SLC14A2: variants seen among roughly 807,000 people sequenced by gnomAD.
SLC14A2 encodes the protein solute carrier family 14 member 2.
SLC14A2 carries 91 observed loss-of-function variants against 104.6 expected under a neutral mutation model. The observed-to-expected ratio is 0.87, with a 90% CI of 0.73 to 1.04. SLC14A2 has a LOEUF of 1.04. Among genes scored for constraint, SLC14A2 ranks in the 50% least tolerant of loss-of-function variants. The pLI, the probability that SLC14A2 is intolerant of heterozygous loss-of-function variation, is 0.00. For missense variants in SLC14A2, 1,189 were observed against 1,156.0 expected, an observed-to-expected ratio of 1.03 and a Z score of -0.41; for synonymous variants, 476 against 466.4, an observed-to-expected ratio of 1.02 and a Z score of -0.27.
chr18:45,445,240 T>C (rs905055440), intron 1 of SLC14A2, among the ~76,000 whole-genome samples: 16 of 151,318 alleles, frequency 1.1e-4, no homozygotes, highest in Admixed American at 3.3e-4. Flanking sequence ...GCCTCCCAAG[T>C]AGCTGGGACT....
chr18:45,489,996 G>A (rs71356495), intron 2 of SLC14A2: 22,263 of 152,130 alleles, frequency 0.15, 1,740 homozygotes, highest in Middle Eastern at 0.24. Flanking sequence ...AAGAATAGAC[G>A]GGCATTTGGT....
intron 1 of SLC14A2, among the ~76,000 whole-genome samples, chr18:45,349,393 A>C (rs1421802886): frequency 6.6e-6 from 1 of 152,244 alleles, no homozygotes; most frequent in East Asian, 1.9e-4. Context: ...TCAGTGATAG[A>C]AATAGATACT....
In SLC14A2 at chr18:45,552,436, C is replaced by A. The variant is rs114919007; in HGVS notation, c.-35+69114C>A. 5.9e-3 allele frequency among the ~76,000 whole-genome samples: 891 copies of A among 152,184 alleles called. 9 individuals are homozygous for A. The highest frequency in any genetic ancestry group is 0.019 in the African/African-American group (803 of 41,510). ...CTTCTCCTTTCTTGCTCTCCCACCC[C>A]CCAACCCCCGTGTCCTCAAGCTGGG... On this transcript the variant is annotated intron_variant, in intron 2 of 20. Coordinates refer to the SLC14A2 transcript ENST00000586448.
chr18:45,428,974 T>G (rs2144544190), intron 1 of SLC14A2, among the ~76,000 whole-genome samples: 1 of 152,258 alleles, frequency 6.6e-6, no homozygotes, highest in East Asian at 1.9e-4. Flanking sequence ...TCATCACCAG[T>G]GCTTGGTTGA....
chr18:45,470,697 C>G (rs2087231794), intron 1 of SLC14A2, among the ~76,000 whole-genome samples: 1 of 152,118 alleles, frequency 6.6e-6, no homozygotes, highest in African/African-American at 2.4e-5. Flanking sequence ...AAGATAATGA[C>G]ATGTGTATAG....
At chr18:45,522,738 C>T (rs781489678) in intron 2 of SLC14A2, among the ~76,000 whole-genome samples, 4 of 152,110 alleles carry the variant, frequency 2.6e-5, no homozygotes, top group Admixed American at 6.5e-5. Flanking sequence ...TTGTTTGTTG[C>T]GTGAAGATTT....
intron 1 of SLC14A2, among the ~76,000 whole-genome samples, chr18:45,393,461 T>C (rs1190146390): frequency 6.6e-6 from 1 of 152,180 alleles, no homozygotes; most frequent in Non-Finnish European, 1.5e-5. Flanking sequence ...GTTGCTTCAA[T>C]AGGATAACAT....
chr18:45,417,997 A>G (rs1233878393), intron 1 of SLC14A2, among the ~76,000 whole-genome samples: 2 of 152,176 alleles, frequency 1.3e-5, no homozygotes, highest in Non-Finnish European at 2.9e-5. Flanking sequence ...AAAAACAGCT[A>G]AGTGGGAAGA....
chr18:45,503,301 A>G (rs1037894186), intron 2 of SLC14A2, among the ~76,000 whole-genome samples: 1 of 152,104 alleles, frequency 6.6e-6, no homozygotes, highest in Non-Finnish European at 1.5e-5. Context: ...GCTTCAGGGA[A>G]CAAGCTCTAC....
intron 1 of SLC14A2, among the ~76,000 whole-genome samples, chr18:45,260,019 C>T (rs1426706269): frequency 6.6e-6 from 1 of 152,130 alleles, no homozygotes; most frequent in Non-Finnish European, 1.5e-5. Context: ...CTAACTACTC[C>T]CTTAGCAAAC....
At chr18:45,215,790 T>G (rs1251043010) in intron 1 of SLC14A2, among the ~76,000 whole-genome samples, 3 of 152,228 alleles carry the variant, frequency 2.0e-5, no homozygotes, top group Non-Finnish European at 4.4e-5. Flanking sequence ...CCCTATGACT[T>G]TCCCAGTACC....
intron 1 of SLC14A2, among the ~76,000 whole-genome samples, chr18:45,366,848 C>T (rs966173195): frequency 6.6e-6 from 1 of 152,158 alleles, no homozygotes; most frequent in African/African-American, 2.4e-5. Context: ...CAGTCTACCC[C>T]CTTCAGAATG....
upstream of SLC14A2, among the ~76,000 whole-genome samples, chr18:45,208,738 G>A (rs759518161): frequency 1.2e-4 from 18 of 152,052 alleles, no homozygotes; most frequent in Non-Finnish European, 2.4e-4. Flanking sequence ...GGATGACAGA[G>A]TAGAAACAGG....
intron 2 of SLC14A2, chr18:45,493,248 T>A (rs1272752214): frequency 6.6e-6 from 1 of 152,196 alleles, no homozygotes; most frequent in African/African-American, 2.4e-5. Context: ...GATTTGCAAC[T>A]TGTTTTTCAG....
chr18:45,261,856 C>G (rs1259468336), intron 1 of SLC14A2, among the ~76,000 whole-genome samples: 1 of 152,080 alleles, frequency 6.6e-6, no homozygotes, highest in Non-Finnish European at 1.5e-5. Context: ...TGAATAGTGC[C>G]GCAATAAACG....
chr18:45,601,277 C>G (rs916804869), intron 2 of SLC14A2, among the ~76,000 whole-genome samples: 9 of 152,352 alleles, frequency 5.9e-5, no homozygotes, highest in Non-Finnish European at 1.0e-4. Flanking sequence ...CATGGAGGTG[C>G]TGCAGAGAAA....
intron 1 of SLC14A2, among the ~76,000 whole-genome samples, chr18:45,311,840 A>C (rs1176797171): frequency 6.6e-6 from 1 of 152,232 alleles, no homozygotes; most frequent in Non-Finnish European, 1.5e-5. Flanking sequence ...AAGGAAGTCA[A>C]GAGAATGGAG....
chr18:45,628,168 G>T (rs2045290628), intron 4 of SLC14A2, among the ~76,000 whole-genome samples: 1 of 152,076 alleles, frequency 6.6e-6, no homozygotes, highest in Admixed American at 6.5e-5. Flanking sequence ...GTTTCAGGCT[G>T]GGCATGGTGG....
chr18:45,477,219 T>C lies in SLC14A2; in HGVS notation c.-124-6014T>C, dbSNP rs1264217126. ...GCTATTCCTTTCTGTTTGTTAGTTT[T>C]CCTTCTAACAGCCAGGCCCCTCTGC... On this transcript the variant is annotated intron_variant, in intron 1 of 20. Coordinates refer to the SLC14A2 transcript ENST00000586448. 3.9e-5 allele frequency among the ~76,000 whole-genome samples: 6 copies of C among 152,218 alleles called. No individual in the cohort carries two copies. In the East Asian group the frequency reaches 1.2e-3, roughly 29 times the overall value.
Sources: allele counts gnomAD v4.1 joint callset (sites outside exome capture counted in the v4.1 genomes callset), GRCh38; gene constraint gnomAD v4.1.1; transcripts MANE v1.5; gene names NCBI Gene and HGNC (gene_info 2026-07-23, HGNC 2026-07-21).